Variants in TEKT5 observed in about 807,000 individuals in gnomAD.
TEKT5 encodes tektin 5.
TEKT5 carries 52 observed loss-of-function variants against 48.7 expected under a neutral mutation model. The observed-to-expected ratio is 1.07, with a 90% CI of 0.86 to 1.35. TEKT5 has a LOEUF of 1.35. TEKT5 is among the 40% of genes most tolerant of loss of function. The pLI is 0.00. For synonymous variants in TEKT5, 318 were observed against 267.6 expected, an observed-to-expected ratio of 1.19 and a Z score of -1.84; for missense variants, 831 against 641.6, an observed-to-expected ratio of 1.30 and a Z score of -3.19.
chr16:10,636,585 A>G (rs1355530910), intron 5 of TEKT5, among the ~76,000 whole-genome samples: 1 of 151,952 alleles, frequency 6.6e-6, no homozygotes, highest in African/African-American at 2.4e-5. Context: ...GGAAGGAGGA[A>G]GGCAGGCCTT....
chr16:10,660,589 C>G (rs1190583629), intron 5 of TEKT5, among the ~76,000 whole-genome samples: 3 of 152,078 alleles, frequency 2.0e-5, no homozygotes, highest in Admixed American at 1.3e-4. Flanking sequence ...CACCTTCAAA[C>G]TCCCACACAT....
intron 6 of TEKT5, among the ~76,000 whole-genome samples, chr16:10,630,126 G>T (rs577952193): frequency 6.6e-6 from 1 of 151,970 alleles, no homozygotes; most frequent in Non-Finnish European, 1.5e-5. Flanking sequence ...TAGAGACAGG[G>T]TTTCACCATG....
intron 5 of TEKT5, chr16:10,671,845 C>T (rs1898553600): frequency 6.6e-6 from 1 of 152,210 alleles, no homozygotes; most frequent in Non-Finnish European, 1.5e-5. Flanking sequence ...TCTCAAGAGA[C>T]TTATTCACTA....
At position 10,654,956 on chromosome 16, in the gene TEKT5, C is replaced by A. The variant is rs1177765098; in HGVS notation, c.1087-19038G>T. ...CCTCCCCTCCCCCACCCCCCCCCCC[C>A]AGTCTGTGACGAGATTTTTCACTTG... On this transcript the variant is annotated intron_variant, in intron 5 of 6. Coordinates refer to ENST00000283025, the MANE Select transcript of TEKT5 (RefSeq NM_144674.2). Among the ~76,000 whole-genome samples, 930 of 123,022 alleles carry A rather than the reference C, an allele frequency of 7.6e-3. 15 individuals are homozygous for A. Among genetic ancestry groups the A allele is most frequent in the Non-Finnish European group, 0.013 (744 of 56,942 alleles). 80.7% of individuals were successfully genotyped at this position (123,022 alleles called of 152,430 possible). A position where few individuals can be genotyped will look rare whatever the true frequency, so the allele number is the denominator to read the frequency against.
intron 6 of TEKT5, among the ~76,000 whole-genome samples, chr16:10,632,730 G>A (rs1038800719): frequency 6.6e-6 from 1 of 152,136 alleles, no homozygotes; most frequent in African/African-American, 2.4e-5. Context: ...GGCAGGAATG[G>A]AGAGGACGGG....
intron 5 of TEKT5, among the ~76,000 whole-genome samples, chr16:10,659,516 A>G (rs189828903): frequency 4.5e-4 from 68 of 152,212 alleles, no homozygotes; most frequent in African/African-American, 1.5e-3. Flanking sequence ...AGTAGCTGGG[A>G]CTACAGGTGC....
chr16:10,672,131 T>G (rs1898558847), intron 5 of TEKT5, among the ~76,000 whole-genome samples: 1 of 152,164 alleles, frequency 6.6e-6, no homozygotes, highest in African/African-American at 2.4e-5. Context: ...GCCACAGAAC[T>G]GTACACTTAA....
chr16:10,645,329 G>C (rs1287545132), intron 5 of TEKT5, among the ~76,000 whole-genome samples: 2 of 152,070 alleles, frequency 1.3e-5, no homozygotes, highest in South Asian at 2.1e-4. Flanking sequence ...GGGCAACATA[G>C]TGAAAACCCA....
intron 4 of TEKT5, among the ~76,000 whole-genome samples, chr16:10,679,881 G>T: frequency 8.9e-6 from 1 of 112,906 alleles, no homozygotes; most frequent in African/African-American, 2.8e-5. Context: ...TGGGCAACAA[G>T]AGCGAAACTC....
chr16:10,677,090 C>A (rs544344752), intron 4 of TEKT5, among the ~76,000 whole-genome samples: 1 of 152,116 alleles, frequency 6.6e-6, no homozygotes, highest in East Asian at 1.9e-4. Context: ...ACTTGGGAGG[C>A]GGAGGTGGGA....
rs569999590 is a variant in TEKT5, at chr16:10,676,174, C to T, written c.871G>A (p.Val291Ile). The stretch of plus-strand genomic sequence containing the variant: ...CTGAACTTGGCCCAGGTCTCAGGTA[C>T]GGAGATCCTGCAAAGGCACAAGGGT... ...GMEKIDGTIS[V>I]PETWAKFSND... is the part of the protein sequence containing the mutation. Residue 291 changes from valine to isoleucine, a missense_variant, in exon 5 of 7, where the codon GTA becomes ATA. By Grantham distance (29) the Val-to-Ile change is conservative. Coordinates refer to ENST00000283025, the MANE Select transcript of TEKT5 (RefSeq NM_144674.2). 24 of 1,614,154 alleles carry T rather than the reference C, an allele frequency of 1.5e-5. No individual in the cohort carries two copies. The African/African-American group carries it at 1.6e-4, about 11-fold the overall frequency.
At chr16:10,663,437 T>C (rs1548955) in intron 5 of TEKT5, among the ~76,000 whole-genome samples, 1 of 151,814 alleles carries the variant, frequency 6.6e-6, no homozygotes, top group African/African-American at 2.4e-5. Flanking sequence ...AGCCAAGGAG[T>C]TTCCAAGGAG....
At chr16:10,659,936 T>C (rs1226764040) in intron 5 of TEKT5, among the ~76,000 whole-genome samples, 1 of 152,190 alleles carries the variant, frequency 6.6e-6, no homozygotes, top group African/African-American at 2.4e-5. Context: ...TTTAAAGTAG[T>C]TAATTTTATG....
chr16:10,667,836 G>A (rs541797003), intron 5 of TEKT5, among the ~76,000 whole-genome samples: 1 of 151,972 alleles, frequency 6.6e-6, no homozygotes, highest in East Asian at 1.9e-4. Context: ...TCCACCAATA[G>A]AGGGTACCAT....
chr16:10,676,756 A>G (rs988891227), intron 4 of TEKT5, among the ~76,000 whole-genome samples: 1 of 152,230 alleles, frequency 6.6e-6, no homozygotes, highest in Non-Finnish European at 1.5e-5. Flanking sequence ...CATGCCAAGC[A>G]TTGTTCCAGG....
At chr16:10,633,283 C>T (rs560102851) in intron 6 of TEKT5, among the ~76,000 whole-genome samples, 1 of 152,240 alleles carries the variant, frequency 6.6e-6, no homozygotes, top group South Asian at 2.1e-4. Context: ...ATCTCTTGAA[C>T]CCGGGAGGTG....
intron 5 of TEKT5, among the ~76,000 whole-genome samples, chr16:10,640,556 T>C (rs953244129): frequency 6.6e-6 from 1 of 152,206 alleles, no homozygotes; most frequent in African/African-American, 2.4e-5. Context: ...ATCATCACCA[T>C]AATCAAGATA....
chr16:10,687,982 T>A (rs1293904172), intron 3 of TEKT5, among the ~76,000 whole-genome samples: 1 of 152,244 alleles, frequency 6.6e-6, no homozygotes, highest in Non-Finnish European at 1.5e-5. Flanking sequence ...GTTACAAACA[T>A]TCCCATTTAT....
intron 5 of TEKT5, among the ~76,000 whole-genome samples, chr16:10,670,509 A>C (rs1256643508): frequency 6.6e-6 from 1 of 152,108 alleles, no homozygotes; most frequent in Non-Finnish European, 1.5e-5. Flanking sequence ...ATAGAGTGAG[A>C]CTCCACCTCA....
Sources: allele counts gnomAD v4.1 joint callset (sites outside exome capture counted in the v4.1 genomes callset), GRCh38; gene constraint gnomAD v4.1.1; transcripts MANE v1.5; gene names NCBI Gene and HGNC (gene_info 2026-07-23, HGNC 2026-07-21).